The following PLD1 variants were observed in gnomAD, a reference collection of about 807,000 sequenced individuals.
The protein encoded by PLD1 is choline phosphatase 1.
In PLD1, 112 loss-of-function variants were observed where a neutral mutation model predicts 137.1. The ratio of observed to expected loss-of-function variants is 0.82; its 90% CI spans 0.70 to 0.96. The LOEUF (loss-of-function observed/expected upper bound fraction) is 0.96, where lower values mean the gene tolerates loss of function less well. PLD1 is among the 40% of genes least tolerant of loss of function. PLD1 has a pLI of 0.00. For missense variants in PLD1, 1,321 were observed against 1,342.0 expected, an observed-to-expected ratio of 0.98 and a Z score of 0.24; for synonymous variants, 431 against 454.7, an observed-to-expected ratio of 0.95 and a Z score of 0.66.
intron 8 of PLD1, among the ~76,000 whole-genome samples, chr3:171,720,259 A>C (rs1249602835): frequency 7.6e-6 from 1 of 132,348 alleles, no homozygotes; most frequent in Non-Finnish European, 1.5e-5. Flanking sequence ...ATACCACTGC[A>C]CTCCAGCCTT....
chr3:171,615,632 C>T (rs1449878997), intron 24 of PLD1, among the ~76,000 whole-genome samples: 2 of 152,198 alleles, frequency 1.3e-5, no homozygotes, highest in African/African-American at 4.8e-5. Flanking sequence ...TAAGTGGAAT[C>T]ATATATCAGA....
intron 13 of PLD1, among the ~76,000 whole-genome samples, chr3:171,691,625 T>G (rs1329857728): frequency 6.6e-6 from 1 of 152,214 alleles, no homozygotes; most frequent in African/African-American, 2.4e-5. Context: ...GTTGCAAAAT[T>G]ACATCTTTAG....
intron 1 of PLD1, chr3:171,764,984 AAGAAAGAAAGAAAGAAAGAAAG>A (rs1721866011): frequency 6.9e-6 from 1 of 145,682 alleles, no homozygotes; most frequent in Admixed American, 6.9e-5. Flanking sequence ...GAAAGAAAGA[AAGAAAGAAAGAAAGAAAGAAAG>A]AGAAAAAGAA....
chr3:171,748,278 T>A (rs1388485105), intron 1 of PLD1, among the ~76,000 whole-genome samples: 2 of 152,228 alleles, frequency 1.3e-5, no homozygotes, highest in Non-Finnish European at 2.9e-5. Context: ...AACCGCTGGA[T>A]TGACTTAAGT....
At chr3:171,666,769 T>C (rs532986775) in intron 19 of PLD1, among the ~76,000 whole-genome samples, 5 of 152,346 alleles carry the variant, frequency 3.3e-5, no homozygotes, top group Non-Finnish European at 7.3e-5. Context: ...ATCTAATCTA[T>C]ACTTTTCAAA....
At chr3:171,701,908 A>G (rs1015150376) in intron 11 of PLD1, among the ~76,000 whole-genome samples, 1 of 152,232 alleles carries the variant, frequency 6.6e-6, no homozygotes, top group Non-Finnish European at 1.5e-5. Flanking sequence ...GGAGATATTA[A>G]GACGTACCTC....
chr3:171,648,585 C>T (rs972788872), intron 21 of PLD1, among the ~76,000 whole-genome samples: 32 of 150,490 alleles, frequency 2.1e-4, no homozygotes, highest in Admixed American at 6.6e-4. Context: ...GACCCAGTCT[C>T]GCTCTGTCGC....
chr3:171,687,275 T>C, intron 15 of PLD1, 96 bp downstream of exon 15: 1 of 1,007,688 alleles, frequency 9.9e-7, no homozygotes, highest in Non-Finnish European at 1.5e-6. Flanking sequence ...TTCTACTCCA[T>C]TACAGAAAGA....
intron 11 of PLD1, among the ~76,000 whole-genome samples, chr3:171,704,237 T>C (rs894838448): frequency 6.6e-6 from 1 of 152,118 alleles, no homozygotes; most frequent in Admixed American, 6.5e-5. Context: ...ATGGGGCAGA[T>C]CTGAATAGCA....
intron 23 of PLD1, among the ~76,000 whole-genome samples, chr3:171,629,693 C>G (rs1734488922): frequency 6.6e-6 from 1 of 151,890 alleles, no homozygotes; most frequent in African/African-American, 2.4e-5. Flanking sequence ...GAACAGAGCC[C>G]TCAGAAATAA....
Position 171,612,295 on chromosome 3 carries a change from G to T in PLD1, c.2866C>A (p.Arg956=). Residue 956 remains arginine (R), a synonymous_variant, in exon 25 of 27, where the codon CGG becomes AGG. Coordinates refer to ENST00000351298, the MANE Select transcript of PLD1 (RefSeq NM_002662.5). The surrounding 1 kb of genome is among the most constrained non-coding windows in gnomAD (Gnocchi z 4.1). Reference sequence around the variant, plus strand: ...CGGACTGACCTAAAGCACTGTAGCCGAAGTCCTCGGGCAAACCGGCCAGCT... The same window carrying T: ...CGGACTGACCTAAAGCACTGTAGCCTAAGTCCTCGGGCAAACCGGCCAGCT... ...YQAGRFARGL[R]LQCFRVVLGY... 6.2e-7 allele frequency: 1 copy of T among 1,614,036 alleles called. No individual in the cohort carries two copies. The highest frequency in any genetic ancestry group is 8.5e-7 in the Non-Finnish European group (1 of 1,179,944).
intron 1 of PLD1, among the ~76,000 whole-genome samples, chr3:171,764,862 A>G (rs1443329998): frequency 1.2e-4 from 3 of 24,826 alleles, no homozygotes; most frequent in African/African-American, 5.2e-4. Flanking sequence ...AAAGAAAGAA[A>G]GAAAGAAAGA....
At chr3:171,776,216 G>A (rs1399604731) in intron 1 of PLD1, among the ~76,000 whole-genome samples, 1 of 152,132 alleles carries the variant, frequency 6.6e-6, no homozygotes, top group African/African-American at 2.4e-5. Flanking sequence ...TGCAGCGGAC[G>A]GTGGTACCTG....
chr3:171,642,696 T>C lies in PLD1; in HGVS notation c.2593+144A>G, dbSNP rs1578172308. On this transcript the variant is annotated intron_variant, in intron 23 of 26. Coordinates refer to ENST00000351298, the MANE Select transcript of PLD1 (RefSeq NM_002662.5). Reference sequence around the variant, plus strand: ...AATGGTTTGGGCAACTTAATGAGAATAAATACTTTATTACAGGTGAACATT... The same window carrying C: ...AATGGTTTGGGCAACTTAATGAGAACAAATACTTTATTACAGGTGAACATT... 2.3e-5 allele frequency: 13 copies of C among 567,676 alleles called. 1 individual carries two copies. The East Asian group carries it at 4.0e-4, about 17-fold the overall frequency. 35.2% of individuals were successfully genotyped at this position (567,676 alleles called of 1,614,324 possible). A position where few individuals can be genotyped will look rare whatever the true frequency, so the allele number is the denominator to read the frequency against.
intron 12 of PLD1, among the ~76,000 whole-genome samples, chr3:171,695,431 C>T (rs1715596208): frequency 6.6e-6 from 1 of 152,178 alleles, no homozygotes; most frequent in Admixed American, 6.5e-5. Context: ...CTCTGGTGAA[C>T]TCAGCTGACC....
At chr3:171,701,441 G>A (rs1716229638) in intron 11 of PLD1, among the ~76,000 whole-genome samples, 1 of 152,200 alleles carries the variant, frequency 6.6e-6, no homozygotes, top group African/African-American at 2.4e-5. Context: ...TTTTTGATGT[G>A]TACATTAAAT....
In PLD1 at chr3:171,601,851, ACT is replaced by A. The variant is rs1731851640; in HGVS notation, c.*1225_*1226del. 1.3e-5 allele frequency: 2 copies of A among 152,140 alleles called. No individual in the cohort carries two copies. Among genetic ancestry groups the A allele is most frequent in the Non-Finnish European group, 2.9e-5 (2 of 68,034 alleles). The allele number at this position is 152,140 out of a possible 1,614,324, so 9.4% of individuals were successfully genotyped here. Reference sequence around the variant, plus strand: ...AGTAAAATTTAGTTTATCAAAGGGTACTCTAACATCCGAAAAGGAAAAACACG... The same window carrying A: ...AGTAAAATTTAGTTTATCAAAGGGTACTAACATCCGAAAAGGAAAAACACG... On this transcript the variant is annotated 3_prime_UTR_variant, in exon 27 of 27. Transcript: ENST00000351298.
At chr3:171,742,171 C>A (rs1334680397) in intron 1 of PLD1, among the ~76,000 whole-genome samples, 2 of 152,118 alleles carry the variant, frequency 1.3e-5, no homozygotes, top group African/African-American at 4.8e-5. Flanking sequence ...AGAGGTGGGA[C>A]TGGGGTGGGA....
At chr3:171,733,531 T>C (rs762350550) in intron 5 of PLD1, 22 bp from the exon 6 acceptor site, 1 of 921,540 alleles carries the variant, frequency 1.1e-6, no homozygotes. Context: ...ATATTTTAGA[T>C]AAGTGTTAAC....
Sources: gnomAD v4.1 joint callset for allele counts (sites outside exome capture counted in the v4.1 genomes callset) on GRCh38, gnomAD v4.1.1 for gene constraint, Gnocchi (gnomAD v3.1) non-coding constraint, MANE v1.5 for transcripts, NCBI Gene and HGNC (gene_info 2026-07-23, HGNC 2026-07-21) for gene names.